Variants in USH2A observed in about 807,000 individuals in gnomAD.
USH2A encodes usherin.
Under a neutral mutation model 538.9 loss-of-function variants are expected in USH2A, and 443 were observed. The ratio of observed to expected loss-of-function variants is 0.82; its 90% CI spans 0.76 to 0.89. The LOEUF is 0.89. Ranked by LOEUF, USH2A falls within the 40% of genes least tolerant of loss-of-function variation. The pLI is 0.00. For missense variants in USH2A, 6,633 were observed against 6,324.8 expected (o/e 1.05, Z -1.65); for synonymous variants, 2,413 against 2,273.5 (o/e 1.06, Z -1.75).
At chr1:215,660,676 C>G (rs1340497130) in intron 64 of USH2A, among the ~76,000 whole-genome samples, 1 of 152,098 alleles carries the variant, frequency 6.6e-6, no homozygotes, top group African/African-American at 2.4e-5. Flanking sequence ...CTCAAAAAGT[C>G]CTCAAACATG....
chr1:215,646,227 T>C (rs1037083367), intron 67 of USH2A, among the ~76,000 whole-genome samples: 7 of 152,120 alleles, frequency 4.6e-5, no homozygotes, highest in Admixed American at 2.0e-4. Context: ...GCCTGTGACA[T>C]AGAAGAGTCT....
At chr1:216,036,554 A>T (rs1232395661) in intron 32 of USH2A, among the ~76,000 whole-genome samples, 1 of 152,174 alleles carries the variant, frequency 6.6e-6, no homozygotes, top group Non-Finnish European at 1.5e-5. Flanking sequence ...TTTCTACAGC[A>T]TCATAAACTT....
At chr1:215,878,216 G>C (rs1240315671) in intron 42 of USH2A, among the ~76,000 whole-genome samples, 1 of 152,056 alleles carries the variant, frequency 6.6e-6, no homozygotes, top group Non-Finnish European at 1.5e-5. Context: ...CAAGTTAATG[G>C]TTTCCTATGA....
intron 32 of USH2A, among the ~76,000 whole-genome samples, chr1:216,011,544 C>T (rs927508791): frequency 4.6e-5 from 7 of 152,082 alleles, no homozygotes; most frequent in African/African-American, 9.7e-5. Context: ...ATGGTTAGTG[C>T]GGTCAGAATT....
chr1:215,904,211 A>C (rs763808924), intron 38 of USH2A, among the ~76,000 whole-genome samples: 29 of 152,126 alleles, frequency 1.9e-4, no homozygotes, highest in Non-Finnish European at 3.8e-4. Flanking sequence ...TGAAAAAATT[A>C]GTTTTTAATA....
chr1:216,350,732 T>C (rs2038265643), intron 4 of USH2A, among the ~76,000 whole-genome samples: 1 of 152,170 alleles, frequency 6.6e-6, no homozygotes, highest in African/African-American at 2.4e-5. Flanking sequence ...ATGCTGGCAC[T>C]GAGTGCCTGC....
intron 21 of USH2A, among the ~76,000 whole-genome samples, chr1:216,110,184 A>G (rs765951958): frequency 1.4e-4 from 21 of 152,192 alleles, no homozygotes; most frequent in Admixed American, 5.9e-4. Context: ...AACAAAAACA[A>G]AACAAAACAA....
At chr1:216,287,898 G>A (rs916993398) in intron 11 of USH2A, among the ~76,000 whole-genome samples, 72 of 152,232 alleles carry the variant, frequency 4.7e-4, no homozygotes, top group African/African-American at 1.7e-3. Context: ...TCAGTGCTCA[G>A]ATAATCTCTC....
At chr1:216,346,968 T>C (rs1412429904) in intron 4 of USH2A, among the ~76,000 whole-genome samples, 1 of 152,118 alleles carries the variant, frequency 6.6e-6, no homozygotes, top group Non-Finnish European at 1.5e-5. Flanking sequence ...AAAAGTGTAA[T>C]CACTTTTAGT....
intron 15 of USH2A, among the ~76,000 whole-genome samples, chr1:216,208,480 A>T (rs1240738258): frequency 1.3e-5 from 2 of 152,202 alleles, no homozygotes; most frequent in Non-Finnish European, 2.9e-5. Flanking sequence ...TACAGTCACT[A>T]GAAGCCTCAG....
chr1:216,337,006 T>C (rs1173583380), intron 4 of USH2A, among the ~76,000 whole-genome samples: 3 of 151,514 alleles, frequency 2.0e-5, no homozygotes, highest in South Asian at 4.1e-4. Context: ...AAGAGCTGAA[T>C]AGTCTGTGGG....
At chr1:216,125,856 T>C (rs898998052) in intron 21 of USH2A, among the ~76,000 whole-genome samples, 4 of 152,202 alleles carry the variant, frequency 2.6e-5, no homozygotes, top group Non-Finnish European at 5.9e-5. Context: ...GATATCTTCC[T>C]TAATTCCTTA....
At chr1:215,728,507 G>T in intron 60 of USH2A, 123 bp from the exon 61 acceptor site, 1 of 961,508 alleles carries the variant, frequency 1.0e-6, no homozygotes, top group Non-Finnish European at 1.6e-6. Flanking sequence ...GTTTCTTCCT[G>T]GTGTCATAGT....
chr1:216,314,119 T>C (rs2037467954), intron 9 of USH2A, among the ~76,000 whole-genome samples: 1 of 152,178 alleles, frequency 6.6e-6, no homozygotes, highest in African/African-American at 2.4e-5. Flanking sequence ...CTCTTATCCC[T>C]TCAAATATTA....
chr1:215,834,871 TTGTC>T (rs1352684562), intron 47 of USH2A, among the ~76,000 whole-genome samples: 5 of 151,954 alleles, frequency 3.3e-5, no homozygotes, highest in Non-Finnish European at 7.4e-5. Context: ...TGTTTTTTCT[TTGTC>T]TCTCTCTCTT....
chr1:215,657,447 C>T, intron 64 of USH2A, among the ~76,000 whole-genome samples: 1 of 152,172 alleles, frequency 6.6e-6, no homozygotes, highest in East Asian at 1.9e-4. Context: ...CTGCAGGCTC[C>T]AGTTATGAAG....
rs149439519 is a variant in USH2A, at chr1:215,716,213, G to A, written c.12066+11817C>T. ...GAGTGGAAGGGGGGCGGGGGGGCCCGCCAAGTAGAAAGCCGATTCTTTTCA... is the reference window on the plus strand; with the variant it reads ...GAGTGGAAGGGGGGCGGGGGGGCCCACCAAGTAGAAAGCCGATTCTTTTCA... On this transcript the variant is annotated intron_variant, in intron 61 of 71. Coordinates refer to ENST00000307340, the MANE Select transcript of USH2A (RefSeq NM_206933.4). Among the ~76,000 whole-genome samples, 11 of 152,292 alleles carry A rather than the reference G, an allele frequency of 7.2e-5. No homozygotes were observed. In the East Asian group the frequency reaches 1.9e-3, roughly 27 times the overall value.
At chr1:216,185,146 A>T (rs2034573734) in intron 20 of USH2A, among the ~76,000 whole-genome samples, 1 of 151,922 alleles carries the variant, frequency 6.6e-6, no homozygotes, top group Non-Finnish European at 1.5e-5. Context: ...TACACCCAGA[A>T]GCAACTCCAA....
intron 58 of USH2A, among the ~76,000 whole-genome samples, chr1:215,744,887 T>A (rs1417571619): frequency 6.6e-6 from 1 of 152,224 alleles, no homozygotes; most frequent in Non-Finnish European, 1.5e-5. Context: ...TCTGGTACAT[T>A]TATTCTAGTA....
Sources: gnomAD v4.1 joint callset for allele counts (sites outside exome capture counted in the v4.1 genomes callset) on GRCh38, gnomAD v4.1.1 for gene constraint, MANE v1.5 for transcripts, NCBI Gene and HGNC (gene_info 2026-07-23, HGNC 2026-07-21) for gene names.